Variants in ARHGAP26 observed in about 807,000 individuals in gnomAD.
ARHGAP26 encodes rho GTPase-activating protein 26.
Under a neutral mutation model 104.8 loss-of-function variants are expected in ARHGAP26, and 38 were observed. That is an observed-to-expected ratio of 0.36 (90% CI 0.28 to 0.48). The LOEUF (loss-of-function observed/expected upper bound fraction) is 0.48, where lower values mean the gene tolerates loss of function less well. Ranked by LOEUF, ARHGAP26 falls within the 20% of genes least tolerant of loss-of-function variation. ARHGAP26 has a pLI of 0.99. For synonymous variants in ARHGAP26, 341 were observed against 340.0 expected (o/e 1.00, Z -0.03); for missense variants, 704 against 947.9 (o/e 0.74, Z 3.38).
intron 1 of ARHGAP26, among the ~76,000 whole-genome samples, chr5:142,793,142 A>G (rs898208418): frequency 1.1e-4 from 17 of 151,330 alleles, no homozygotes; most frequent in Non-Finnish European, 2.1e-4. Context: ...GAGGCCTGAC[A>G]TTCGTTCCTC....
At chr5:142,815,664 C>T (rs1473671853) in intron 1 of ARHGAP26, among the ~76,000 whole-genome samples, 3 of 152,238 alleles carry the variant, frequency 2.0e-5, no homozygotes, top group Non-Finnish European at 4.4e-5. Flanking sequence ...TGGTCCACCA[C>T]AGGGCCTTTG....
chr5:142,912,527 T>C (rs1761964220), intron 9 of ARHGAP26, among the ~76,000 whole-genome samples: 2 of 152,168 alleles, frequency 1.3e-5, no homozygotes. Flanking sequence ...ATCTATAAGT[T>C]GTACAGTTCA....
chr5:143,052,690 G>T (rs545811902), intron 14 of ARHGAP26, among the ~76,000 whole-genome samples: 1 of 152,224 alleles, frequency 6.6e-6, no homozygotes, highest in East Asian at 1.9e-4. Context: ...CTGGATTTGT[G>T]CCCCTACCTG....
At position 143,227,803 on chromosome 5, in the gene ARHGAP26, T is replaced by C. The variant is rs2151446639; in HGVS notation, c.*5357T>C. 4.5e-6 allele frequency: 1 copy of C among 223,122 alleles called. No homozygotes were observed. Among genetic ancestry groups the C allele is most frequent in the Non-Finnish European group, 8.9e-6 (1 of 111,878 alleles). 13.8% of individuals were successfully genotyped at this position (223,122 alleles called of 1,614,324 possible). ...TAGAGAGAAAGAGAAAGGTGAACCA[T>C]CCTAAGGAGCTTTGGATACTTTTTT... On this transcript the variant is annotated 3_prime_UTR_variant, in exon 23 of 23. Transcript: ENST00000645722.
chr5:143,099,895 A>G (rs1339366377), intron 17 of ARHGAP26, among the ~76,000 whole-genome samples: 3 of 152,270 alleles, frequency 2.0e-5, no homozygotes, highest in African/African-American at 7.2e-5. Flanking sequence ...GGCATATTTG[A>G]AAGAACCAAC....
intron 1 of ARHGAP26, among the ~76,000 whole-genome samples, chr5:142,857,785 C>G (rs1752610071): frequency 6.6e-6 from 1 of 152,140 alleles, no homozygotes; most frequent in Non-Finnish European, 1.5e-5. Context: ...TCTCTGCTTG[C>G]TCAGGTTTAG....
At chr5:142,805,769 C>T (rs1244811989) in intron 1 of ARHGAP26, among the ~76,000 whole-genome samples, 1 of 152,184 alleles carries the variant, frequency 6.6e-6, no homozygotes, top group Non-Finnish European at 1.5e-5. Flanking sequence ...GATCCTGCTG[C>T]CTCTCCTTCT....
intron 11 of ARHGAP26, among the ~76,000 whole-genome samples, chr5:142,941,438 G>T (rs1189698841): frequency 6.6e-6 from 1 of 152,108 alleles, no homozygotes; most frequent in Non-Finnish European, 1.5e-5. Flanking sequence ...CCCCAGTGTG[G>T]TTTCTGTTTC....
chr5:143,164,045 CTTTTT>C (rs543247118), intron 20 of ARHGAP26, among the ~76,000 whole-genome samples: 1 of 140,424 alleles, frequency 7.1e-6, no homozygotes. Context: ...TGTATTTGTT[CTTTTT>C]TTTTTTTTTC....
chr5:142,792,619 G>A (rs752467932), intron 1 of ARHGAP26, among the ~76,000 whole-genome samples: 4 of 152,264 alleles, frequency 2.6e-5, no homozygotes, highest in Admixed American at 1.3e-4. Flanking sequence ...GTTGCCAAAT[G>A]TAGAAATCTC....
chr5:143,222,270 CACACACACA>C, intron 22 of ARHGAP26, 79 bp from the exon 23 acceptor site: 2 of 747,442 alleles, frequency 2.7e-6, no homozygotes, highest in Admixed American at 5.0e-5. Context: ...CACACACACA[CACACACACA>C]CACACCCCAC....
intron 1 of ARHGAP26, among the ~76,000 whole-genome samples, chr5:142,836,987 A>G (rs1221792082): frequency 6.6e-6 from 1 of 152,146 alleles, no homozygotes; most frequent in Non-Finnish European, 1.5e-5. Context: ...TTCCTGGGTG[A>G]CTTACCCCAT....
At chr5:142,865,461 G>T (rs1015603460) in intron 1 of ARHGAP26, among the ~76,000 whole-genome samples, 3 of 145,866 alleles carry the variant, frequency 2.1e-5, no homozygotes, top group African/African-American at 5.0e-5. Context: ...AGAACTTGGA[G>T]TTTTCAACAC....
At chr5:143,044,129 A>G in intron 14 of ARHGAP26, among the ~76,000 whole-genome samples, 1 of 152,170 alleles carries the variant, frequency 6.6e-6, no homozygotes, top group East Asian at 1.9e-4. Context: ...TAGTGGGATT[A>G]TATCCATTAT....
chr5:142,793,080 C>T (rs1371076426), intron 1 of ARHGAP26, among the ~76,000 whole-genome samples: 4 of 151,964 alleles, frequency 2.6e-5, no homozygotes, highest in Non-Finnish European at 5.9e-5. Flanking sequence ...AGCATGAATC[C>T]ACTCCTGCCC....
chr5:143,136,421 A>C (rs997481174), intron 19 of ARHGAP26, among the ~76,000 whole-genome samples: 1 of 152,160 alleles, frequency 6.6e-6, no homozygotes, highest in African/African-American at 2.4e-5. Context: ...ACATGACCGG[A>C]GCATACAGAT....
At chr5:143,221,534 G>C (rs1811132274) in intron 22 of ARHGAP26, among the ~76,000 whole-genome samples, 2 of 151,940 alleles carry the variant, frequency 1.3e-5, no homozygotes, top group Non-Finnish European at 2.9e-5. Context: ...GATTGATTGA[G>C]ACAGGGTCTT....
chr5:142,976,646 A>C (rs1376566705), intron 11 of ARHGAP26, among the ~76,000 whole-genome samples: 1 of 152,240 alleles, frequency 6.6e-6, no homozygotes, highest in Admixed American at 6.5e-5. Flanking sequence ...CCTGTTGGGA[A>C]AAGATATTTT....
intron 1 of ARHGAP26, among the ~76,000 whole-genome samples, chr5:142,785,173 G>T (rs779615120): frequency 6.6e-6 from 1 of 151,520 alleles, no homozygotes. Flanking sequence ...CTCGTGATCC[G>T]CCCACCTCGG....
Sources: allele counts gnomAD v4.1 joint callset (sites outside exome capture counted in the v4.1 genomes callset), GRCh38; gene constraint gnomAD v4.1.1; transcripts MANE v1.5; gene names NCBI Gene and HGNC (gene_info 2026-07-23, HGNC 2026-07-21).